Variants in PAFAH1B1 observed in about 807,000 individuals in gnomAD.
The protein encoded by PAFAH1B1 is platelet-activating factor acetylhydrolase IB subunit beta.
PAFAH1B1 carries 2 observed loss-of-function variants against 57.5 expected under a neutral mutation model. That is an observed-to-expected ratio of 0.03 (90% confidence interval 0.01 to 0.11). The LOEUF (loss-of-function observed/expected upper bound fraction) is 0.11. Among genes scored for constraint, PAFAH1B1 ranks in the 10% least tolerant of loss-of-function variants. PAFAH1B1 has a pLI of 1.00. For missense variants in PAFAH1B1, 257 were observed against 512.0 expected (o/e 0.50, Z 4.81); for synonymous variants, 152 against 169.6 (o/e 0.90, Z 0.81).
At chr17:2,655,102 T>C (rs187935701) in intron 2 of PAFAH1B1, among the ~76,000 whole-genome samples, 3 of 151,972 alleles carry the variant, frequency 2.0e-5, no homozygotes, top group Admixed American at 2.0e-4. Context: ...GCCCAGCTTG[T>C]GTTAGATTTT....
intron 1 of PAFAH1B1, among the ~76,000 whole-genome samples, chr17:2,603,622 CAAG>C (rs2068170588): frequency 1.4e-5 from 2 of 147,546 alleles, no homozygotes; most frequent in Admixed American, 1.3e-4. Flanking sequence ...ACTTTTGTCT[CAAG>C]GAAAAAAAAA....
intron 5 of PAFAH1B1, among the ~76,000 whole-genome samples, chr17:2,668,212 G>A (rs1233955788): frequency 6.6e-6 from 1 of 151,862 alleles, no homozygotes; most frequent in Non-Finnish European, 1.5e-5. Flanking sequence ...TGTAGTCCCA[G>A]CTACTTGGAA....
At chr17:2,607,243 C>T (rs1479783073) in intron 1 of PAFAH1B1, among the ~76,000 whole-genome samples, 6 of 151,332 alleles carry the variant, frequency 4.0e-5, no homozygotes, top group East Asian at 2.0e-4. Flanking sequence ...GTGTAATATC[C>T]GCTCACTGCA....
chr17:2,644,750 T>C (rs2068744359), intron 2 of PAFAH1B1, among the ~76,000 whole-genome samples: 3 of 152,170 alleles, frequency 2.0e-5, no homozygotes. Context: ...GTCATTGTTA[T>C]TTCTGAGTCA....
At chr17:2,618,231 A>G (rs938207655) in intron 1 of PAFAH1B1, among the ~76,000 whole-genome samples, 1 of 152,194 alleles carries the variant, frequency 6.6e-6, no homozygotes, top group Non-Finnish European at 1.5e-5. Context: ...CCTGAGCGAC[A>G]GAGCAAGACT....
At position 2,684,674 on chromosome 17, in the gene PAFAH1B1, A is replaced by G. The variant is rs1313548933; in HGVS notation, c.*2872A>G. On this transcript the variant is annotated 3_prime_UTR_variant, in exon 11 of 11. Coordinates refer to ENST00000397195, the MANE Select transcript of PAFAH1B1 (RefSeq NM_000430.4). ...GTTGCCTGTTGTCACGGCATCTTGC[A>G]CTTTAGGAGACTAAGACCGTCCTGG... is the stretch of plus-strand genomic sequence containing the variant. 6.6e-6 allele frequency: 1 copy of G among 152,644 alleles called. No individual in the cohort carries two copies. Among genetic ancestry groups the G allele is most frequent in the African/African-American group, 2.4e-5 (1 of 41,440 alleles). 9.5% of individuals were successfully genotyped at this position (152,644 alleles called of 1,614,324 possible).
chr17:2,632,456 A>C (rs1025253146), intron 1 of PAFAH1B1, among the ~76,000 whole-genome samples: 5 of 152,118 alleles, frequency 3.3e-5, no homozygotes, highest in African/African-American at 1.2e-4. Flanking sequence ...TTCCCTTTCT[A>C]TCTCTTTTTT....
intron 1 of PAFAH1B1, among the ~76,000 whole-genome samples, chr17:2,610,077 G>C (rs1273350306): frequency 6.6e-6 from 1 of 152,206 alleles, no homozygotes; most frequent in Non-Finnish European, 1.5e-5. Context: ...GCCCACCTCA[G>C]CTTCCCAAAG....
intron 1 of PAFAH1B1, among the ~76,000 whole-genome samples, chr17:2,609,371 G>C (rs1289922800): frequency 2.6e-5 from 4 of 152,090 alleles, no homozygotes; most frequent in Non-Finnish European, 5.9e-5. Context: ...GGTCCTCCTT[G>C]TTGGTGTTTA....
intron 2 of PAFAH1B1, among the ~76,000 whole-genome samples, chr17:2,648,704 A>G (rs936018868): frequency 2.0e-5 from 3 of 151,514 alleles, no homozygotes; most frequent in East Asian, 1.9e-4. Context: ...GTGAAACACC[A>G]TATGATTAAC....
intron 1 of PAFAH1B1, among the ~76,000 whole-genome samples, chr17:2,607,773 A>G (rs1035179796): frequency 1.3e-5 from 2 of 152,064 alleles, no homozygotes; most frequent in African/African-American, 4.8e-5. Context: ...GGTGTGAATC[A>G]CCGCACCCGG....
At chr17:2,651,929 A>T (rs571551488) in intron 2 of PAFAH1B1, among the ~76,000 whole-genome samples, 84 of 152,308 alleles carry the variant, frequency 5.5e-4, no homozygotes, top group African/African-American at 1.7e-3. Flanking sequence ...GCCTAATGTT[A>T]TATATCCATC....
intron 1 of PAFAH1B1, among the ~76,000 whole-genome samples, chr17:2,620,917 A>G (rs1260130221): frequency 2.0e-5 from 3 of 152,194 alleles, no homozygotes; most frequent in African/African-American, 4.8e-5. Context: ...AATTCACTAA[A>G]TTGTAGGCAA....
intron 1 of PAFAH1B1, among the ~76,000 whole-genome samples, chr17:2,623,472 A>G (rs1007273301): frequency 6.0e-5 from 9 of 151,230 alleles, no homozygotes; most frequent in African/African-American, 2.0e-4. Context: ...GTTAGCCAGG[A>G]TGGTCTCAAT....
intron 3 of PAFAH1B1, among the ~76,000 whole-genome samples, chr17:2,665,782 A>T (rs2069098785): frequency 6.6e-6 from 1 of 151,966 alleles, no homozygotes; most frequent in African/African-American, 2.4e-5. Flanking sequence ...TTGTATTTTT[A>T]GTAGAGACGG....
At chr17:2,612,999 G>A (rs569012719) in intron 1 of PAFAH1B1, among the ~76,000 whole-genome samples, 1 of 134,562 alleles carries the variant, frequency 7.4e-6, no homozygotes, top group South Asian at 2.4e-4. Context: ...AAAATGTTTT[G>A]TAAAATAATT....
chr17:2,620,931 A>G (rs1279255855), intron 1 of PAFAH1B1, among the ~76,000 whole-genome samples: 2 of 152,174 alleles, frequency 1.3e-5, no homozygotes, highest in African/African-American at 4.8e-5. Context: ...TAGGCAAAAC[A>G]TCTTTAATTC....
At chr17:2,654,981 G>T (rs1329453958) in intron 2 of PAFAH1B1, among the ~76,000 whole-genome samples, 1 of 148,844 alleles carries the variant, frequency 6.7e-6, no homozygotes, top group Non-Finnish European at 1.5e-5. Context: ...AAGAGACAGG[G>T]TTCAGGCTGG....
chr17:2,653,935 A>G (rs2068901181), intron 2 of PAFAH1B1, among the ~76,000 whole-genome samples: 1 of 152,010 alleles, frequency 6.6e-6, no homozygotes, highest in African/African-American at 2.4e-5. Context: ...CAGCCTCCCA[A>G]GTAGCTGGGA....
Sources: gnomAD v4.1 joint callset for allele counts (sites outside exome capture counted in the v4.1 genomes callset) on GRCh38, gnomAD v4.1.1 for gene constraint, MANE v1.5 for transcripts, NCBI Gene and HGNC (gene_info 2026-07-23, HGNC 2026-07-21) for gene names.